Variants in ADGRV1 observed in about 807,000 individuals in gnomAD.
ADGRV1 encodes G-protein coupled receptor 98.
A neutral mutation model predicts 596.2 loss-of-function variants in ADGRV1; 359 were observed. That is an observed-to-expected ratio of 0.60 (90% confidence interval 0.55 to 0.66). The LOEUF (loss-of-function observed/expected upper bound fraction) is 0.66. Ranked by LOEUF, ADGRV1 falls within the 30% of genes least tolerant of loss-of-function variation. The pLI is 0.00. For missense variants in ADGRV1, 7,274 were observed against 7,575.6 expected, an observed-to-expected ratio of 0.96 and a Z score of 1.48; for synonymous variants, 2,681 against 2,679.2, an observed-to-expected ratio of 1.00 and a Z score of -0.02.
chr5:90,578,888 T>A (rs2151970097), intron 1 of ADGRV1, among the ~76,000 whole-genome samples: 1 of 152,330 alleles, frequency 6.6e-6, no homozygotes, highest in Non-Finnish European at 1.5e-5. Flanking sequence ...GATTTTCTAG[T>A]TTATTTGTGT....
chr5:90,973,004 A>T (rs1779198746), intron 84 of ADGRV1, among the ~76,000 whole-genome samples: 1 of 152,214 alleles, frequency 6.6e-6, no homozygotes, highest in African/African-American at 2.4e-5. Context: ...ATGCAATAAA[A>T]ATTAATAAAG....
intron 83 of ADGRV1, among the ~76,000 whole-genome samples, chr5:90,865,445 T>C (rs955450677): frequency 1.3e-5 from 2 of 152,246 alleles, no homozygotes; most frequent in Non-Finnish European, 2.9e-5. Flanking sequence ...TGTCTAGGGA[T>C]GTGAAAGACA....
chr5:90,725,275 G>T, intron 47 of ADGRV1, 43 bp downstream of exon 47: 2 of 1,151,048 alleles, frequency 1.7e-6, no homozygotes, highest in Admixed American at 3.4e-5. Flanking sequence ...TTCTTTAAAA[G>T]AAATTAAGAT....
chr5:90,917,378 G>A (rs1457693436), intron 83 of ADGRV1, among the ~76,000 whole-genome samples: 1 of 150,564 alleles, frequency 6.6e-6, no homozygotes, highest in Non-Finnish European at 1.5e-5. Context: ...TAATTTAAGT[G>A]ACTTTTTAAG....
intron 57 of ADGRV1, 105 bp downstream of exon 57, chr5:90,757,266 C>G (rs1755934142): frequency 3.8e-6 from 3 of 782,914 alleles, no homozygotes; most frequent in Non-Finnish European, 6.2e-6. Context: ...GCATTATACT[C>G]TAAATGTTTC....
At chr5:90,730,116 C>A (rs1580908692) in intron 50 of ADGRV1, among the ~76,000 whole-genome samples, 1 of 152,160 alleles carries the variant, frequency 6.6e-6, no homozygotes, top group Non-Finnish European at 1.5e-5. Flanking sequence ...TCCGCCCACC[C>A]AAAGTGCTGG....
Position 90,985,386 on chromosome 5 carries a change from A to G in ADGRV1, c.18016A>G (p.Thr6006Ala). The change falls in exon 85 of 90, where the codon ACA (threonine) becomes GCA (alanine). Residue 6006 changes from threonine (T) to alanine (A), a missense_variant. By Grantham distance (58) the Thr-to-Ala change is moderately conservative. Coordinates refer to ENST00000405460, the MANE Select transcript of ADGRV1 (RefSeq NM_032119.4). ...WYVLVMNDEHTERRYLLFFLL... is the reference protein window; with the variant it reads ...WYVLVMNDEHAERRYLLFFLL... ...CGTGCTGGTGATGAATGATGAGCAC[A>G]CAGAGAGGCGATATCTGCTGTTTTT... is the stretch of plus-strand genomic sequence containing the variant. 1 of 1,613,694 alleles carries G rather than the reference A, an allele frequency of 6.2e-7. No individual in the cohort carries two copies. Among genetic ancestry groups the G allele is most frequent in the East Asian group, 2.2e-5 (1 of 44,856 alleles).
intron 78 of ADGRV1, among the ~76,000 whole-genome samples, chr5:90,842,961 A>G (rs1765561373): frequency 6.6e-6 from 1 of 152,064 alleles, no homozygotes; most frequent in Non-Finnish European, 1.5e-5. Context: ...TATATTACAT[A>G]TGTACATACA....
At chr5:90,742,164 G>A (rs1192324142) in intron 50 of ADGRV1, among the ~76,000 whole-genome samples, 1 of 152,178 alleles carries the variant, frequency 6.6e-6, no homozygotes, top group Non-Finnish European at 1.5e-5. Context: ...TTTACAAGTA[G>A]CAGGGAAGAG....
At chr5:90,704,196 A>G (rs886164223) in intron 35 of ADGRV1, among the ~76,000 whole-genome samples, 193 bp from the exon 36 acceptor site, 1 of 152,146 alleles carries the variant, frequency 6.6e-6, no homozygotes, top group Non-Finnish European at 1.5e-5. Flanking sequence ...ATCTTCCACA[A>G]TTAGCCCCTG....
intron 85 of ADGRV1, among the ~76,000 whole-genome samples, chr5:90,986,017 T>C (rs1450146520): frequency 6.6e-6 from 1 of 151,442 alleles, no homozygotes; most frequent in East Asian, 1.9e-4. Flanking sequence ...TCTTAGATAT[T>C]CTTATTAAAA....
At chr5:90,815,488 A>G in intron 74 of ADGRV1, 131 bp from the exon 75 acceptor site, 1 of 515,766 alleles carries the variant, frequency 1.9e-6, no homozygotes, top group South Asian at 3.6e-5. Flanking sequence ...AGATCTTTTA[A>G]CAACTGTAGC....
intron 85 of ADGRV1, among the ~76,000 whole-genome samples, chr5:91,060,401 T>A (rs986166331): frequency 0.02 from 572 of 28,052 alleles, 4 homozygotes; most frequent in Non-Finnish European, 0.043. Flanking sequence ...TATATATATT[T>A]TTTTTTTTAA....
chr5:91,062,180 T>C (rs895832917), intron 85 of ADGRV1, among the ~76,000 whole-genome samples: 6 of 152,138 alleles, frequency 3.9e-5, no homozygotes, highest in Non-Finnish European at 7.3e-5. Flanking sequence ...TTGCTTCCTC[T>C]TCCCCTTTCT....
At chr5:90,667,908 C>T (rs1380352723) in intron 21 of ADGRV1, among the ~76,000 whole-genome samples, 2 of 151,966 alleles carry the variant, frequency 1.3e-5, no homozygotes, top group African/African-American at 2.4e-5. Context: ...GGGTGCCTCC[C>T]AGTTAGGCTG....
At chr5:90,669,766 G>A (rs533523531) in intron 21 of ADGRV1, among the ~76,000 whole-genome samples, 1 of 152,194 alleles carries the variant, frequency 6.6e-6, no homozygotes, top group East Asian at 1.9e-4. Flanking sequence ...TGTTTCACGT[G>A]GGTACAATTT....
At chr5:90,665,388 A>G (rs1771154736) in intron 21 of ADGRV1, among the ~76,000 whole-genome samples, 1 of 151,520 alleles carries the variant, frequency 6.6e-6, no homozygotes, top group African/African-American at 2.4e-5. Flanking sequence ...TAGATTTTCT[A>G]GTTTATTTGC....
chr5:90,622,004 G>A (rs1199270077), intron 4 of ADGRV1, among the ~76,000 whole-genome samples: 1 of 152,128 alleles, frequency 6.6e-6, no homozygotes, highest in Non-Finnish European at 1.5e-5. Flanking sequence ...CTGAGAGCTG[G>A]CAGCTGCTTC....
intron 89 of ADGRV1, among the ~76,000 whole-genome samples, chr5:91,158,973 A>G (rs1796718646): frequency 6.6e-6 from 1 of 152,118 alleles, no homozygotes; most frequent in Non-Finnish European, 1.5e-5. Flanking sequence ...GTGCCCTTTT[A>G]ATCTCCCTTA....
Sources: allele counts gnomAD v4.1 joint callset (sites outside exome capture counted in the v4.1 genomes callset), GRCh38; gene constraint gnomAD v4.1.1; transcripts MANE v1.5; gene names NCBI Gene and HGNC (gene_info 2026-07-23, HGNC 2026-07-21).